The following PAM variants were observed in gnomAD, a reference collection of about 807,000 sequenced individuals.
The protein encoded by PAM is peptidyl-glycine alpha-amidating monooxygenase.
PAM carries 72 observed loss-of-function variants against 122.1 expected under a neutral mutation model. That is an observed-to-expected ratio of 0.59 (90% CI 0.49 to 0.72). PAM has a LOEUF of 0.72. Among genes scored for constraint, PAM ranks in the 30% least tolerant of loss-of-function variants. PAM has a pLI of 0.00. For missense variants in PAM, 1,106 were observed against 1,183.7 expected (o/e 0.93, Z 0.96); for synonymous variants, 389 against 404.4 (o/e 0.96, Z 0.46).
intron 1 of PAM, among the ~76,000 whole-genome samples, chr5:102,844,579 G>A (rs527476253): frequency 3.3e-5 from 5 of 152,102 alleles, no homozygotes; most frequent in East Asian, 3.9e-4. Flanking sequence ...ATGGTCAGAG[G>A]ATCCTTGAGC....
chr5:102,907,067 T>C (rs1023833581), intron 4 of PAM, among the ~76,000 whole-genome samples: 4 of 151,734 alleles, frequency 2.6e-5, no homozygotes, highest in African/African-American at 9.7e-5. Flanking sequence ...ATTGTTTTAT[T>C]TGAAATTGAT....
chr5:102,928,593 A>G (rs1203811881), intron 7 of PAM, among the ~76,000 whole-genome samples: 1 of 152,178 alleles, frequency 6.6e-6, no homozygotes, highest in Non-Finnish European at 1.5e-5. Context: ...AGTAGATACT[A>G]TCAGGTCCCT....
At chr5:102,793,813 G>GA (rs1762667772) in intron 1 of PAM, among the ~76,000 whole-genome samples, 1 of 152,062 alleles carries the variant, frequency 6.6e-6, no homozygotes, top group Non-Finnish European at 1.5e-5. Flanking sequence ...AATTTGTAGT[G>GA]ATTATAGTAA....
chr5:102,834,793 T>G (rs968142814), intron 1 of PAM, among the ~76,000 whole-genome samples: 1 of 151,964 alleles, frequency 6.6e-6, no homozygotes, highest in Non-Finnish European at 1.5e-5. Context: ...ATCCCTGGGA[T>G]GGGATAGGGG....
intron 4 of PAM, among the ~76,000 whole-genome samples, chr5:102,905,013 G>T (rs1196807968): frequency 2.0e-5 from 3 of 151,530 alleles, no homozygotes; most frequent in Non-Finnish European, 3.0e-5. Context: ...AATTACAGTA[G>T]GTGTTTGAAG....
At chr5:102,930,818 A>T (rs6872442) in intron 7 of PAM, among the ~76,000 whole-genome samples, 43,167 of 152,048 alleles carry the variant, frequency 0.28, 6,454 homozygotes, top group East Asian at 0.43. Context: ...ATGACTTTTT[A>T]AAAAATGTAT....
At chr5:102,951,884 A>C (rs1759015527) in intron 12 of PAM, among the ~76,000 whole-genome samples, 1 of 152,070 alleles carries the variant, frequency 6.6e-6, no homozygotes, top group African/African-American at 2.4e-5. Flanking sequence ...GGAAAGCAAT[A>C]TTATTATTGA....
intron 1 of PAM, among the ~76,000 whole-genome samples, chr5:102,783,903 C>T (rs1395393589): frequency 6.8e-6 from 1 of 146,870 alleles, no homozygotes; most frequent in African/African-American, 2.5e-5. Flanking sequence ...CTACCCCCAT[C>T]TTTTTTTTTT....
chr5:102,824,932 C>A (rs1487925686), intron 1 of PAM, among the ~76,000 whole-genome samples: 1 of 152,188 alleles, frequency 6.6e-6, no homozygotes, highest in Non-Finnish European at 1.5e-5. Flanking sequence ...TTTAGAGACC[C>A]TGCAAGATTT....
chr5:102,926,732 C>A, intron 7 of PAM, 64 bp downstream of exon 7: 1 of 823,170 alleles, frequency 1.2e-6, no homozygotes, highest in Non-Finnish European at 2.1e-6. Context: ...AATACATGCA[C>A]AAACTATTAT....
At chr5:103,010,824 T>A (rs566233338) in intron 21 of PAM, among the ~76,000 whole-genome samples, 39 of 152,278 alleles carry the variant, frequency 2.6e-4, no homozygotes, top group African/African-American at 9.1e-4. Context: ...ATTTATGGGG[T>A]ACATGAGATA....
chr5:102,976,868 A>G (rs1336328433), intron 15 of PAM, among the ~76,000 whole-genome samples: 1 of 152,122 alleles, frequency 6.6e-6, no homozygotes, highest in African/African-American at 2.4e-5. Context: ...AGTTTCTTAC[A>G]TTTCAATACA....
intron 1 of PAM, among the ~76,000 whole-genome samples, chr5:102,811,598 G>T (rs111908368): frequency 1.8e-4 from 28 of 152,250 alleles, no homozygotes; most frequent in African/African-American, 6.5e-4. Flanking sequence ...CATATTCACA[G>T]GCTCCAGGAA....
In PAM at chr5:102,961,240, T is replaced by C; in HGVS notation, c.1162+11T>C. 2 of 1,456,466 alleles carry C rather than the reference T, an allele frequency of 1.4e-6. No individual in the cohort carries two copies. The highest frequency in any genetic ancestry group is 1.9e-6 in the Non-Finnish European group (2 of 1,037,928). The allele number at this position is 1,456,466 out of a possible 1,614,324, so 90.2% of individuals were successfully genotyped here. A position where few individuals can be genotyped will look rare whatever the true frequency, so the allele number is the denominator to read the frequency against. On this transcript the variant is annotated intron_variant, in intron 14 of 25. Transcript: ENST00000438793. ...AAGTGTTAGACCAGGGTATGTATGC[T>C]TATTTCTATAACTAGTCCTATAAAA...
chr5:103,013,523 T>C (rs545543818), intron 21 of PAM, among the ~76,000 whole-genome samples: 41 of 152,340 alleles, frequency 2.7e-4, no homozygotes, highest in African/African-American at 8.9e-4. Flanking sequence ...ATTTGATTTC[T>C]TCCTTTCCAA....
At chr5:102,876,441 C>CA (rs1198274867) in intron 3 of PAM, among the ~76,000 whole-genome samples, 1 of 152,176 alleles carries the variant, frequency 6.6e-6, no homozygotes, top group Non-Finnish European at 1.5e-5. Context: ...CTGCACCACT[C>CA]ACATTTAAAG....
intron 1 of PAM, among the ~76,000 whole-genome samples, chr5:102,780,755 CTTTCTTTCTT>C (rs966830899): frequency 6.1e-5 from 1 of 16,272 alleles, no homozygotes; most frequent in African/African-American, 2.4e-4. Flanking sequence ...CTTTCTTTCT[CTTTCTTTCTT>C]TCTTTCTTTC....
At chr5:102,976,169 A>T (rs1474986682) in intron 15 of PAM, among the ~76,000 whole-genome samples, 2 of 152,184 alleles carry the variant, frequency 1.3e-5, no homozygotes, top group Non-Finnish European at 2.9e-5. Flanking sequence ...TTAATAAAGG[A>T]ACATGTATTT....
chr5:102,924,962 G>A lies in PAM; in HGVS notation c.362G>A (p.Cys121Tyr). 1 of 1,499,908 alleles carries A rather than the reference G, an allele frequency of 6.7e-7. No individual in the cohort carries two copies. The highest frequency in any genetic ancestry group is 9.3e-7 in the Non-Finnish European group (1 of 1,076,048). 92.9% of individuals were successfully genotyped at this position (1,499,908 alleles called of 1,614,324 possible). A position where few individuals can be genotyped will look rare whatever the true frequency, so the allele number is the denominator to read the frequency against. Reference protein sequence around the residue: ...MPSSTGSYWFCDEGTCTDKAN... With the variant: ...MPSSTGSYWFYDEGTCTDKAN... Reference sequence around the variant, plus strand: ...CTACTTTTTATTTTCTTCAGGTTTTGTGATGAAGGAACCTGTACAGATAAA... The same window carrying A: ...CTACTTTTTATTTTCTTCAGGTTTTATGATGAAGGAACCTGTACAGATAAA... The change falls in exon 6 of 26, where the codon TGT becomes TAT. Residue 121 changes from cysteine (C) to tyrosine (Y), a missense_variant. Transcript: ENST00000438793.
Sources: gnomAD v4.1 joint callset for allele counts (sites outside exome capture counted in the v4.1 genomes callset) on GRCh38, gnomAD v4.1.1 for gene constraint, MANE v1.5 for transcripts, NCBI Gene and HGNC (gene_info 2026-07-23, HGNC 2026-07-21) for gene names.